Variants in SLF2 observed in about 807,000 individuals in gnomAD.
The protein encoded by SLF2 is SMC5-SMC6 complex localization factor protein 2.
In SLF2, 68 loss-of-function variants were observed where a neutral mutation model predicts 124.3. The observed-to-expected ratio is 0.55, with a 90% CI of 0.45 to 0.67. The LOEUF is 0.67. Among genes scored for constraint, SLF2 ranks in the 30% least tolerant of loss-of-function variants. The probability of loss-of-function intolerance (pLI) is 0.00; values close to 1 mark genes in which losing one functional copy is unlikely to be tolerated. For synonymous variants in SLF2, 480 were observed against 478.8 expected, an observed-to-expected ratio of 1.00 and a Z score of -0.03; for missense variants, 1,246 against 1,373.7, an observed-to-expected ratio of 0.91 and a Z score of 1.47.
In SLF2 at chr10:100,916,162, A is replaced by G; in HGVS notation, c.184+120A>G. 2.9e-6 allele frequency: 2 copies of G among 697,528 alleles called. 1 individual carries two copies. The highest frequency in any genetic ancestry group is 5.1e-5 in the South Asian group (2 of 38,972). The allele number at this position is 697,528 out of a possible 1,614,324, so 43.2% of individuals were successfully genotyped here. On this transcript the variant is annotated intron_variant, in intron 2 of 19. Transcript: ENST00000238961. ...AACGTAGTGTTCAAAATTGAAAATAAAATGAAGATGCAGTATTTTGTTTTA... is the reference window on the plus strand; with the variant it reads ...AACGTAGTGTTCAAAATTGAAAATAGAATGAAGATGCAGTATTTTGTTTTA...
At position 100,913,029 on chromosome 10, in the gene SLF2, C is replaced by T; in HGVS notation, c.-82C>T. 2 of 1,501,118 alleles carry T rather than the reference C, an allele frequency of 1.3e-6. No individual in the cohort carries two copies. Among genetic ancestry groups the T allele is most frequent in the East Asian group, 2.3e-5 (1 of 43,802 alleles). The allele number at this position is 1,501,118 out of a possible 1,614,324, so 93.0% of individuals were successfully genotyped here. On this transcript the variant is annotated 5_prime_UTR_variant, in exon 1 of 20. Coordinates refer to ENST00000238961, the MANE Select transcript of SLF2 (RefSeq NM_018121.4). ...CGCCCACCTCTGCTCCGACAGCCTC[C>T]CGGAGTCCCAGCAGCAAGACGGCAA...
intron 6 of SLF2, chr10:100,926,548 G>A: frequency 4.2e-6 from 1 of 237,292 alleles, no homozygotes. Context: ...CAAGGCTGTA[G>A]TGAGCTGTGA....
At chr10:100,957,000 A>G (rs1850343312) in intron 18 of SLF2, among the ~76,000 whole-genome samples, 1 of 152,224 alleles carries the variant, frequency 6.6e-6, no homozygotes, top group African/African-American at 2.4e-5. Context: ...CTGCTAAATT[A>G]GTGTAGCTAA....
At position 100,926,010 on chromosome 10, in the gene SLF2, A is replaced by T; in HGVS notation, c.2033A>T (p.Asp678Val). ...GAACGTCTAGTGAAGGAAATGGAAG[A>T]CACACAAAGGTTTGTTAGCATAAAG... ...TLERLVKEME[D>V]TQRLDELQKQ... is the part of the protein sequence containing the mutation. Residue 678 changes from aspartate (D) to valine (V), a missense_variant, in exon 6 of 20, where the codon GAC becomes GTC. Physicochemically the swap from Asp to Val is radical, Grantham distance 152. Coordinates refer to ENST00000238961, the MANE Select transcript of SLF2 (RefSeq NM_018121.4). 2 of 1,613,958 alleles carry T rather than the reference A, an allele frequency of 1.2e-6. No homozygotes were observed. The highest frequency in any genetic ancestry group is 1.7e-6 in the Non-Finnish European group (2 of 1,179,928).
chr10:100,956,566 T>C (rs1278445815), intron 18 of SLF2, 29 bp downstream of exon 18: 4 of 1,508,650 alleles, frequency 2.7e-6, no homozygotes, highest in Non-Finnish European at 3.6e-6. Flanking sequence ...TTTTTCTTTT[T>C]TTTTTTCTTA....
In SLF2 at chr10:100,936,624, G is replaced by A. The variant is rs142250511; in HGVS notation, c.2437-778G>A. Among the ~76,000 whole-genome samples, 1,118 of 152,022 alleles carry A rather than the reference G, an allele frequency of 7.4e-3. 47 individuals carry two copies. The highest frequency in any genetic ancestry group is 0.061 in the Admixed American group (927 of 15,268). ...TGCTGGGATTACAGGCTGAGCCACC[G>A]CGTCCAGCCAGTGATATCTTACTGT... On this transcript the variant is annotated intron_variant, in intron 9 of 19. Transcript: ENST00000238961.
intron 16 of SLF2, 147 bp downstream of exon 16, chr10:100,950,354 T>C: frequency 1.0e-6 from 1 of 979,106 alleles, no homozygotes; most frequent in Non-Finnish European, 1.4e-6. Context: ...ATATTTTTAA[T>C]TTATCACTGT....
At chr10:100,942,455 T>C (rs1849999130) in intron 11 of SLF2, among the ~76,000 whole-genome samples, 1 of 152,130 alleles carries the variant, frequency 6.6e-6, no homozygotes, top group South Asian at 2.1e-4. Flanking sequence ...TGGGAGTGCA[T>C]AGAACTTCCC....
intron 9 of SLF2, among the ~76,000 whole-genome samples, chr10:100,933,345 A>AT (rs1318550009): frequency 6.6e-6 from 1 of 152,212 alleles, no homozygotes; most frequent in Non-Finnish European, 1.5e-5. Flanking sequence ...CTAATCATTC[A>AT]TTAAACACTT....
chr10:100,957,111 C>T (rs1471124896), intron 18 of SLF2, among the ~76,000 whole-genome samples: 1 of 152,134 alleles, frequency 6.6e-6, no homozygotes, highest in Admixed American at 6.5e-5. Flanking sequence ...ACTTCTAGTA[C>T]TAATGATACA....
intron 4 of SLF2, 104 bp downstream of exon 4, chr10:100,918,545 T>A (rs1361389402): frequency 7.2e-6 from 5 of 689,928 alleles, no homozygotes; most frequent in South Asian, 3.8e-5. Flanking sequence ...TTCTTGGGGA[T>A]GAATTAAGTG....
chr10:100,937,411 G>C lies in SLF2; in HGVS notation c.2446G>C (p.Val816Leu). 1 of 1,608,222 alleles carries C rather than the reference G, an allele frequency of 6.2e-7. No homozygotes were observed. Among genetic ancestry groups the C allele is most frequent in the South Asian group, 1.1e-5 (1 of 90,942 alleles). The change falls in exon 10 of 20, where the codon GTT (valine) becomes CTT (leucine). Residue 816 changes from valine (V) to leucine (L), a missense_variant. Val to Leu is a conservative substitution (Grantham distance 32). Around this residue, in one of 3 missense-constraint regions of SLF2, gnomAD observed 535 missense variants for 632.8 expected, o/e 0.85. Transcript: ENST00000238961. Reference protein sequence around the residue: ...VLKWLFRMMSVHTDCIVSVQI... With the variant: ...VLKWLFRMMSLHTDCIVSVQI... ...TCTCTGCTTTTGACAGATGATGTCAGTTCATACAGACTGTATTGTGTCAGT... is the reference window on the plus strand; with the variant it reads ...TCTCTGCTTTTGACAGATGATGTCACTTCATACAGACTGTATTGTGTCAGT...
Position 100,963,902 on chromosome 10 carries a change from T to A in SLF2, c.*1990T>A, listed in dbSNP as rs1050267952. The A allele has an allele frequency of 7.2e-5, 11 of 152,640 alleles. No individual in the cohort carries two copies. The highest frequency in any genetic ancestry group is 2.4e-4 in the African/African-American group (10 of 41,456). 9.5% of individuals were successfully genotyped at this position (152,640 alleles called of 1,614,324 possible). On this transcript the variant is annotated 3_prime_UTR_variant, in exon 20 of 20. Transcript: ENST00000238961. Reference sequence around the variant, plus strand: ...CCAATAAGAAAAAAATCTCTATTTTTAATTATATTTCTCCTTTAGAAAAAA... The same window carrying A: ...CCAATAAGAAAAAAATCTCTATTTTAAATTATATTTCTCCTTTAGAAAAAA...
chr10:100,924,496 T>C lies in SLF2; in HGVS notation c.1495T>C (p.Ser499Pro). The C allele has an allele frequency of 6.2e-7, 1 of 1,614,124 alleles. No individual in the cohort carries two copies. The highest frequency in any genetic ancestry group is 8.5e-7 in the Non-Finnish European group (1 of 1,180,022). The change falls in exon 5 of 20, where the codon TCT becomes CCT. Residue 499 changes from serine (S) to proline (P), a missense_variant. Around this residue, in one of 3 missense-constraint regions of SLF2, gnomAD observed 698 missense variants for 708.9 expected, o/e 0.98. Transcript: ENST00000238961. ...LNAKNCALPVSKKDKERSSSK... is the reference protein window; with the variant it reads ...LNAKNCALPVPKKDKERSSSK... ...TGCTAAAAATTGTGCTCTTCCAGTT[T>C]CTAAAAAAGATAAAGAGCGTTCCTC...
At chr10:100,946,937 A>G (rs1331518329) in intron 13 of SLF2, 102 bp from the exon 14 acceptor site, 5 of 882,874 alleles carry the variant, frequency 5.7e-6, no homozygotes, top group Non-Finnish European at 9.4e-6. Context: ...TCTGTTTTGT[A>G]CTAGTGCTTC....
At position 100,961,981 on chromosome 10, in the gene SLF2, A is replaced by G; in HGVS notation, c.*69A>G. The G allele has an allele frequency of 1.4e-6, 2 of 1,438,126 alleles. No homozygotes were observed. Among genetic ancestry groups the G allele is most frequent in the Admixed American group, 1.8e-5 (1 of 55,784 alleles). The allele number at this position is 1,438,126 out of a possible 1,614,324, so 89.1% of individuals were successfully genotyped here. ...AAGAGCCTTTCATAGAGGAGTAGAA[A>G]GGATTATTACAGAATCCAATGAATG... On this transcript the variant is annotated 3_prime_UTR_variant, in exon 20 of 20. Coordinates refer to ENST00000238961, the MANE Select transcript of SLF2 (RefSeq NM_018121.4).
rs762872707 is a variant in SLF2 at position 100,929,454 on chromosome 10, A to T, written c.2165+15A>T. On this transcript the variant is annotated intron_variant, in intron 7 of 19. Coordinates refer to ENST00000238961, the MANE Select transcript of SLF2 (RefSeq NM_018121.4). Reference sequence around the variant, plus strand: ...GAAGAGCACAAGTATAGCATTTTTCATAATGTATTTTACCTTATTAAAGTT... The same window carrying T: ...GAAGAGCACAAGTATAGCATTTTTCTTAATGTATTTTACCTTATTAAAGTT... 3.2e-6 allele frequency: 5 copies of T among 1,574,788 alleles called. No homozygotes were observed. The South Asian group carries it at 5.9e-5, about 19-fold the overall frequency.
chr10:100,931,852 TGTG>T (rs1242695074), intron 9 of SLF2, among the ~76,000 whole-genome samples: 6 of 151,902 alleles, frequency 3.9e-5, no homozygotes, highest in African/African-American at 9.7e-5. Flanking sequence ...ATTAGCCAGG[TGTG>T]GTGGTGGGCA....
chr10:100,935,489 C>T (rs936359212), intron 9 of SLF2, among the ~76,000 whole-genome samples: 3 of 151,766 alleles, frequency 2.0e-5, no homozygotes, highest in Non-Finnish European at 2.9e-5. Flanking sequence ...TCACTTCAGG[C>T]CAGAAGTTCA....
Sources: gnomAD v4.1 joint callset for allele counts (sites outside exome capture counted in the v4.1 genomes callset) on GRCh38, gnomAD v4.1.1 for gene constraint, gnomAD v4.1.1 regional missense constraint, MANE v1.5 for transcripts, NCBI Gene and HGNC (gene_info 2026-07-23, HGNC 2026-07-21) for gene names.